MTA1: variants seen among roughly 807,000 people sequenced by gnomAD.
MTA1 encodes the protein metastasis associated 1, also known as metastasis-associated protein MTA1.
MTA1 carries 15 observed loss-of-function variants against 97.0 expected under a neutral mutation model. The observed-to-expected ratio is 0.15, with a 90% confidence interval of 0.10 to 0.24. The LOEUF (loss-of-function observed/expected upper bound fraction) is 0.24, where lower values mean the gene tolerates loss of function less well. Ranked by LOEUF, MTA1 falls within the 10% of genes least tolerant of loss-of-function variation. The pLI, the probability that MTA1 is intolerant of heterozygous loss-of-function variation, is 1.00. For missense variants in MTA1, 709 were observed against 1,015.1 expected (o/e 0.70, Z 4.10); for synonymous variants, 435 against 417.5 (o/e 1.04, Z -0.51).
intron 6 of MTA1, 81 bp downstream of exon 6, chr14:105,450,405 C>T (rs1334751961): frequency 2.2e-5 from 32 of 1,456,704 alleles, no homozygotes; most frequent in Middle Eastern, 3.7e-4. Context: ...CTGGCCTGGG[C>T]GGCGGAGACG....
chr14:105,432,219 T>C (rs1194915903), intron 1 of MTA1, among the ~76,000 whole-genome samples: 2 of 152,090 alleles, frequency 1.3e-5, no homozygotes, highest in South Asian at 2.1e-4. Context: ...GAAGTTCTAT[T>C]GCTTTTTTAT....
In MTA1 at chr14:105,460,935, G is replaced by A. The variant is rs140464955; in HGVS notation, c.924G>A (p.Thr308=). 30 of 1,611,072 alleles carry A rather than the reference G, an allele frequency of 1.9e-5. No homozygotes were observed. The highest frequency in any genetic ancestry group is 2.2e-5 in the East Asian group (1 of 44,888). ...EALEKYGKDF[T]DIQQDFLPWK... ...TGGAAAAATATGGGAAGGATTTCAC[G>A]GACATTCAGCAAGATTTTGTGAGTA... The change falls in exon 10 of 21, where the codon ACG becomes ACA. Residue 308 remains threonine (T), a synonymous_variant. Coordinates refer to ENST00000331320, the MANE Select transcript of MTA1 (RefSeq NM_004689.4).
At chr14:105,447,557 G>C (rs139633167) in intron 3 of MTA1, among the ~76,000 whole-genome samples, 1 of 152,202 alleles carries the variant, frequency 6.6e-6, no homozygotes, top group Non-Finnish European at 1.5e-5. Context: ...TTCCAGAAGG[G>C]CCTCGTTGGG....
At chr14:105,430,538 G>A (rs1041279432) in intron 1 of MTA1, among the ~76,000 whole-genome samples, 1 of 152,182 alleles carries the variant, frequency 6.6e-6, no homozygotes, top group Admixed American at 6.5e-5. Context: ...ACAGCAACAC[G>A]TAGTGAGCAC....
chr14:105,451,607 G>A (rs1220803727), intron 6 of MTA1, among the ~76,000 whole-genome samples: 1 of 152,064 alleles, frequency 6.6e-6, no homozygotes, highest in African/African-American at 2.4e-5. Flanking sequence ...GAAAATGTTT[G>A]TTAGCAAAAA....
intron 7 of MTA1, among the ~76,000 whole-genome samples, chr14:105,456,282 G>A (rs1353043267): frequency 6.6e-6 from 1 of 152,248 alleles, no homozygotes; most frequent in Admixed American, 6.5e-5. Flanking sequence ...CAGGTCAGAG[G>A]CCCTCAGCTG....
At chr14:105,444,547 T>C (rs1222203030) in intron 2 of MTA1, among the ~76,000 whole-genome samples, 1 of 151,958 alleles carries the variant, frequency 6.6e-6, no homozygotes, top group Non-Finnish European at 1.5e-5. Context: ...TCCCAGCACT[T>C]TGTGGGGCTG....
At chr14:105,425,649 G>A (rs1316454175) in intron 1 of MTA1, among the ~76,000 whole-genome samples, 3 of 151,826 alleles carry the variant, frequency 2.0e-5, no homozygotes, top group Non-Finnish European at 4.4e-5. Flanking sequence ...TGGGGCTCTC[G>A]TGTTGCTGGT....
At chr14:105,428,094 G>C (rs2082065992) in intron 1 of MTA1, among the ~76,000 whole-genome samples, 1 of 151,808 alleles carries the variant, frequency 6.6e-6, no homozygotes. Context: ...AGGGGCCTGT[G>C]GTTTTCCACT....
chr14:105,421,541 T>C (rs782233340), intron 1 of MTA1, among the ~76,000 whole-genome samples: 2 of 152,152 alleles, frequency 1.3e-5, no homozygotes, highest in African/African-American at 4.8e-5. Context: ...AGCTTTGGGC[T>C]CTAGGGCTGG....
rs1308854266 is a variant in MTA1, at chr14:105,455,063, C to T, written c.550+753C>T. Among the ~76,000 whole-genome samples, 13 of 152,166 alleles carry T rather than the reference C, an allele frequency of 8.5e-5. No individual in the cohort carries two copies. In the East Asian group the frequency reaches 2.5e-3, roughly 29 times the overall value. On this transcript the variant is annotated intron_variant, in intron 7 of 20. Transcript: ENST00000331320. The stretch of plus-strand genomic sequence containing the variant: ...TGGAACTACAGGGGCACCACCACAC[C>T]CCCCTAGTTTTTTTGTATTTTTATT...
intron 3 of MTA1, among the ~76,000 whole-genome samples, chr14:105,448,663 C>T (rs1263861955): frequency 3.3e-5 from 5 of 152,006 alleles, no homozygotes; most frequent in Non-Finnish European, 5.9e-5. Flanking sequence ...AGGTGAGGCT[C>T]AGCCGCCAGA....
intron 1 of MTA1, among the ~76,000 whole-genome samples, chr14:105,428,439 C>T (rs587628766): frequency 7.2e-5 from 11 of 152,158 alleles, no homozygotes; most frequent in African/African-American, 2.6e-4. Flanking sequence ...CACAGGTGTG[C>T]ACCACCACAC....
At chr14:105,464,375 C>G in intron 13 of MTA1, 41 bp from the exon 14 acceptor site, 1 of 1,605,146 alleles carries the variant, frequency 6.2e-7, no homozygotes, top group South Asian at 1.1e-5. Flanking sequence ...ATCGCTGGTT[C>G]TGCTTAAGAA....
chr14:105,458,612 A>G (rs1310592030), intron 8 of MTA1, among the ~76,000 whole-genome samples: 3 of 152,026 alleles, frequency 2.0e-5, no homozygotes, highest in Non-Finnish European at 2.9e-5. Context: ...GTGCCTGCCC[A>G]TGTGTCCCTA....
chr14:105,447,711 T>C (rs2082765094), intron 3 of MTA1, among the ~76,000 whole-genome samples: 1 of 152,190 alleles, frequency 6.6e-6, no homozygotes, highest in South Asian at 2.1e-4. Flanking sequence ...AGAGCCCAGC[T>C]GCAGGGAGCA....
rs781984563 is a variant in MTA1 at position 105,445,518 on chromosome 14, C to T, written c.190+7C>T. On this transcript the variant is annotated splice_region_variant and intron_variant, in intron 3 of 20. Transcript: ENST00000331320. ...CTGGCCGACAAGCACGCAAGTGAGT[C>T]CGGCCTTCCCTGGGGTGCCCGCCTG... 6.2e-7 allele frequency: 1 copy of T among 1,612,996 alleles called. No homozygotes were observed. Among genetic ancestry groups the T allele is most frequent in the Non-Finnish European group, 8.5e-7 (1 of 1,179,804 alleles).
At chr14:105,467,200 C>G (rs1473014759) in intron 18 of MTA1, 1 of 357,252 alleles carries the variant, frequency 2.8e-6, no homozygotes, top group African/African-American at 2.1e-5. Context: ...GGAGGACTGG[C>G]TCAGGTGCTC....
chr14:105,467,481 G>C (rs782145126), intron 18 of MTA1: 2 of 455,946 alleles, frequency 4.4e-6, no homozygotes, highest in Non-Finnish European at 4.4e-6. Context: ...GCATTCTCTC[G>C]AGGCTGCTGG....
Sources: gnomAD v4.1 joint callset for allele counts (sites outside exome capture counted in the v4.1 genomes callset) on GRCh38, gnomAD v4.1.1 for gene constraint, MANE v1.5 for transcripts, NCBI Gene and HGNC (gene_info 2026-07-23, HGNC 2026-07-21) for gene names.